COL4A1: variants seen among roughly 807,000 people sequenced by gnomAD.
The protein encoded by COL4A1 is collagen type IV alpha 1 chain, also known as collagen alpha-1(IV) chain.
Under a neutral mutation model 216.6 loss-of-function variants are expected in COL4A1, and 40 were observed. The ratio of observed to expected loss-of-function variants is 0.18; its 90% confidence interval spans 0.14 to 0.24. The LOEUF (loss-of-function observed/expected upper bound fraction) is 0.24, where lower values mean the gene tolerates loss of function less well. COL4A1 is among the 10% of genes least tolerant of loss of function. The pLI is 1.00. For synonymous variants in COL4A1, 839 were observed against 810.7 expected (o/e 1.03, Z -0.59); for missense variants, 1,628 against 2,196.8 (o/e 0.74, Z 5.18).
chr13:110,215,616 T>C (rs566952167), intron 2 of COL4A1, among the ~76,000 whole-genome samples: 3 of 151,692 alleles, frequency 2.0e-5, no homozygotes, highest in African/African-American at 7.3e-5. Flanking sequence ...AGAAAACCTA[T>C]TTACTTTACA....
intron 31 of COL4A1, 94 bp from the exon 32 acceptor site, chr13:110,178,325 AG>A (rs1171594193): frequency 2.0e-5 from 31 of 1,514,324 alleles, no homozygotes; most frequent in Non-Finnish European, 2.8e-5. Context: ...TTCTGCAGAA[AG>A]CCCGTGAGCA....
At chr13:110,263,542 C>A (rs181393240) in intron 1 of COL4A1, among the ~76,000 whole-genome samples, 1 of 152,194 alleles carries the variant, frequency 6.6e-6, no homozygotes, top group Non-Finnish European at 1.5e-5. Context: ...CAACCTCAAA[C>A]TCCTGGACTC....
intron 28 of COL4A1, 74 bp from the exon 29 acceptor site, chr13:110,181,463 A>G: frequency 7.1e-7 from 1 of 1,401,450 alleles, no homozygotes; most frequent in Non-Finnish European, 9.9e-7. Flanking sequence ...CACTTTCTTC[A>G]CTTTTAGTCT....
chr13:110,162,830 G>A (rs966384062), intron 47 of COL4A1, among the ~76,000 whole-genome samples: 9 of 152,174 alleles, frequency 5.9e-5, no homozygotes, highest in African/African-American at 2.2e-4. Flanking sequence ...CTGTTGGGGA[G>A]GACTATCATA....
chr13:110,247,885 A>C (rs977163125), intron 1 of COL4A1, among the ~76,000 whole-genome samples: 50 of 151,166 alleles, frequency 3.3e-4, no homozygotes, highest in Non-Finnish European at 7.2e-4. Context: ...GCAGTGTTAT[A>C]CAGTTTAACT....
chr13:110,183,638 T>C (rs1305497175), intron 26 of COL4A1, among the ~76,000 whole-genome samples: 1 of 152,226 alleles, frequency 6.6e-6, no homozygotes, highest in African/African-American at 2.4e-5. Flanking sequence ...CAAAATACTT[T>C]TGCTGTTCTC....
At chr13:110,238,415 T>C (rs1881418654) in intron 2 of COL4A1, among the ~76,000 whole-genome samples, 1 of 152,238 alleles carries the variant, frequency 6.6e-6, no homozygotes, top group Non-Finnish European at 1.5e-5. Context: ...TGCAGTTCAA[T>C]TAACATGTGT....
intron 1 of COL4A1, among the ~76,000 whole-genome samples, chr13:110,272,174 A>G (rs1213289956): frequency 6.6e-6 from 1 of 152,270 alleles, no homozygotes; most frequent in Non-Finnish European, 1.5e-5. Flanking sequence ...TGTAATGTAC[A>G]GCACATAGGT....
chr13:110,219,896 A>C (rs1880372940), intron 2 of COL4A1, among the ~76,000 whole-genome samples: 2 of 141,444 alleles, frequency 1.4e-5, no homozygotes, highest in Non-Finnish European at 1.5e-5. Flanking sequence ...ATGTGTGTAT[A>C]TATATGTATA....
At chr13:110,296,795 C>T (rs1394100570) in intron 1 of COL4A1, among the ~76,000 whole-genome samples, 1 of 152,230 alleles carries the variant, frequency 6.6e-6, no homozygotes, top group Non-Finnish European at 1.5e-5. Flanking sequence ...ATTGGAATTT[C>T]CATGAACCCC....
intron 2 of COL4A1, among the ~76,000 whole-genome samples, chr13:110,215,985 C>T (rs1028172811): frequency 6.6e-6 from 1 of 152,182 alleles, no homozygotes; most frequent in Admixed American, 6.5e-5. Flanking sequence ...TGTCAGGAGT[C>T]TAGACACAGT....
intron 49 of COL4A1, among the ~76,000 whole-genome samples, chr13:110,160,368 G>C (rs570437606): frequency 8.3e-6 from 1 of 121,158 alleles, no homozygotes; most frequent in Non-Finnish European, 1.7e-5. Context: ...CGTGAACCCC[G>C]GGAAGCGGAG....
chr13:110,242,654 A>T, intron 2 of COL4A1, 21 bp downstream of exon 2: 1 of 1,614,008 alleles, frequency 6.2e-7, no homozygotes, highest in Non-Finnish European at 8.5e-7. Context: ...AAATGTTGTG[A>T]TTTAAATTTC....
chr13:110,175,094 G>A (rs1171346997), intron 37 of COL4A1, 124 bp downstream of exon 37: 1 of 1,250,948 alleles, frequency 8.0e-7, no homozygotes, highest in Non-Finnish European at 1.2e-6. Flanking sequence ...GACTTGTGCT[G>A]CCTTATGGGA....
chr13:110,206,578 T>C, intron 15 of COL4A1, 87 bp downstream of exon 15: 1 of 1,458,666 alleles, frequency 6.9e-7, no homozygotes, highest in Non-Finnish European at 9.6e-7. Flanking sequence ...CTACGAGCCT[T>C]TTCTGTTCTT....
At chr13:110,232,698 A>G (rs923281839) in intron 2 of COL4A1, among the ~76,000 whole-genome samples, 2 of 152,096 alleles carry the variant, frequency 1.3e-5, no homozygotes, top group Non-Finnish European at 1.5e-5. Flanking sequence ...GACAGCCTGT[A>G]CTCCTGGAGA....
intron 49 of COL4A1, among the ~76,000 whole-genome samples, chr13:110,159,840 C>T (rs1876985881): frequency 1.3e-5 from 2 of 152,132 alleles, no homozygotes; most frequent in South Asian, 2.1e-4. Flanking sequence ...CTGAGTGAAA[C>T]AGGCCAGTGA....
intron 39 of COL4A1, 60 bp from the exon 40 acceptor site, chr13:110,174,058 T>C (rs1877765403): frequency 9.5e-6 from 15 of 1,578,330 alleles, no homozygotes; most frequent in East Asian, 4.5e-5. Flanking sequence ...CTAGCTGCCA[T>C]ACAAAATGGC....
intron 48 of COL4A1, 103 bp downstream of exon 48, chr13:110,162,127 G>A (rs1187736518): frequency 1.0e-5 from 11 of 1,083,074 alleles, no homozygotes; most frequent in South Asian, 3.7e-5. Context: ...TGTTTCACTC[G>A]CTACTGCCCT....
Sources: allele counts gnomAD v4.1 joint callset (sites outside exome capture counted in the v4.1 genomes callset), GRCh38; gene constraint gnomAD v4.1.1; transcripts MANE v1.5; gene names NCBI Gene and HGNC (gene_info 2026-07-23, HGNC 2026-07-21).